Variants in FHIT observed in about 807,000 individuals in gnomAD.
The protein encoded by FHIT is fragile histidine triad diadenosine triphosphatase.
A neutral mutation model predicts 17.9 loss-of-function variants in FHIT; 19 were observed. That is an observed-to-expected ratio of 1.06 (90% confidence interval 0.74 to 1.56). FHIT has a LOEUF of 1.56. Ranked by LOEUF, FHIT falls within the 40% of genes most tolerant of loss-of-function variation. The pLI is 0.00. For synonymous variants in FHIT, 81 were observed against 69.7 expected (o/e 1.16, Z -0.81); for missense variants, 248 against 189.2 (o/e 1.31, Z -1.82).
intron 8 of FHIT, among the ~76,000 whole-genome samples, chr3:59,910,338 G>C (rs147441653): frequency 4.8e-4 from 73 of 152,328 alleles, no homozygotes; most frequent in African/African-American, 1.7e-3. Flanking sequence ...GAGGCAATCA[G>C]ATATGCATTT....
chr3:60,439,308 A>G (rs2030580059), intron 5 of FHIT, among the ~76,000 whole-genome samples: 1 of 152,166 alleles, frequency 6.6e-6, no homozygotes, highest in Non-Finnish European at 1.5e-5. Flanking sequence ...ACATTTAAAT[A>G]GCATTTTTAT....
In FHIT at chr3:59,840,188, C is replaced by A. The variant is rs551969749; in HGVS notation, c.348+82158G>T. Among the ~76,000 whole-genome samples the A allele has an allele frequency of 3.3e-5, 5 of 152,190 alleles. No individual in the cohort carries two copies. In the East Asian group the frequency reaches 9.7e-4, roughly 30 times the overall value. On this transcript the variant is annotated intron_variant, in intron 8 of 9. Coordinates refer to ENST00000492590, the MANE Select transcript of FHIT (RefSeq NM_002012.4). ...TCTCACTTGAACAGAAGTACTCCCC[C>A]ATTCTTGCAGATTCCCCATCATTCC...
intron 5 of FHIT, among the ~76,000 whole-genome samples, chr3:60,456,919 T>C (rs552390937): frequency 2.0e-5 from 3 of 151,928 alleles, no homozygotes; most frequent in Non-Finnish European, 2.9e-5. Flanking sequence ...CACTGCTCAA[T>C]GAAATAAAAG....
At chr3:60,298,859 G>A (rs1708326898) in intron 5 of FHIT, among the ~76,000 whole-genome samples, 1 of 152,126 alleles carries the variant, frequency 6.6e-6, no homozygotes. Context: ...CAAGTGGCAT[G>A]CAGCTGCAAC....
At position 60,204,312 on chromosome 3, in the gene FHIT, C is replaced by G. The variant is rs552894622; in HGVS notation, c.104-190160G>C. ...TGAGACAAGGTCTCAGTCTGTCACC[C>G]AGGCTGGAGTACAGTAGCGTGATNT... On this transcript the variant is annotated intron_variant, in intron 5 of 9. Coordinates refer to ENST00000492590, the MANE Select transcript of FHIT (RefSeq NM_002012.4). Among the ~76,000 whole-genome samples the G allele has an allele frequency of 5.6e-3, 845 of 152,222 alleles. 3 individuals carry two copies. The highest frequency in any genetic ancestry group is 9.3e-3 in the Non-Finnish European group (635 of 68,006).
intron 3 of FHIT, among the ~76,000 whole-genome samples, chr3:60,982,237 CTT>C (rs1710527296): frequency 1.3e-5 from 2 of 152,342 alleles, no homozygotes; most frequent in South Asian, 2.1e-4. Context: ...TGGCCCCAGC[CTT>C]GCTCTACAGG....
intron 8 of FHIT, among the ~76,000 whole-genome samples, chr3:59,826,571 C>A (rs1700985980): frequency 6.6e-6 from 1 of 152,204 alleles, no homozygotes; most frequent in African/African-American, 2.4e-5. Context: ...GGGGAAATGA[C>A]CCTTCAGTGC....
intron 5 of FHIT, among the ~76,000 whole-genome samples, chr3:60,437,664 G>A (rs775096867): frequency 4.6e-5 from 7 of 151,926 alleles, no homozygotes; most frequent in Non-Finnish European, 8.8e-5. Context: ...ATTTATCTGT[G>A]GTCACATGGC....
intron 5 of FHIT, among the ~76,000 whole-genome samples, chr3:60,450,270 G>A (rs1206928414): frequency 6.6e-6 from 1 of 151,814 alleles, no homozygotes; most frequent in Non-Finnish European, 1.5e-5. Flanking sequence ...CGTCAACACT[G>A]GGCAATAGGA....
intron 5 of FHIT, among the ~76,000 whole-genome samples, chr3:60,111,939 T>C (rs999992129): frequency 6.6e-6 from 1 of 152,334 alleles, no homozygotes; most frequent in Non-Finnish European, 1.5e-5. Flanking sequence ...TAGCCCTTTT[T>C]TGCCTCTATT....
At chr3:60,558,638 C>A (rs1190916323) in intron 4 of FHIT, among the ~76,000 whole-genome samples, 1 of 152,118 alleles carries the variant, frequency 6.6e-6, no homozygotes, top group Non-Finnish European at 1.5e-5. Flanking sequence ...GTAAAAGTTG[C>A]TTGGTAAGCT....
chr3:59,896,250 A>G (rs1177474195), intron 8 of FHIT, among the ~76,000 whole-genome samples: 1 of 152,232 alleles, frequency 6.6e-6, no homozygotes, highest in Non-Finnish European at 1.5e-5. Context: ...TAAGAAGTCA[A>G]TACACATCTG....
chr3:60,140,424 G>A (rs1319974492), intron 5 of FHIT, among the ~76,000 whole-genome samples: 1 of 152,088 alleles, frequency 6.6e-6, no homozygotes, highest in South Asian at 2.1e-4. Flanking sequence ...CAACTTGGCA[G>A]TGAGGGGGAA....
chr3:60,943,125 G>A lies in FHIT; in HGVS notation c.-111+98922C>T, dbSNP rs147313050. On this transcript the variant is annotated intron_variant, in intron 3 of 9. Coordinates refer to ENST00000492590, the MANE Select transcript of FHIT (RefSeq NM_002012.4). ...ATATGTCTATTTGTCCAAGCTAACC[G>A]GTTATGTGGTTTAAATATTCTTTAT... Among the ~76,000 whole-genome samples the A allele has an allele frequency of 7.4e-3, 1,127 of 152,138 alleles. 8 individuals carry two copies. The highest frequency in any genetic ancestry group is 0.011 in the Non-Finnish European group (739 of 67,942).
chr3:61,149,023 T>C lies in FHIT; in HGVS notation c.-164+51594A>G, dbSNP rs550511691. ...CATAGAAACACTCTCAATCTGTTAG[T>C]TTTAACAATTAAAACTTACGTTTAA... On this transcript the variant is annotated intron_variant, in intron 2 of 9. Transcript: ENST00000492590. 5.3e-5 allele frequency among the ~76,000 whole-genome samples: 8 copies of C among 152,362 alleles called. No homozygotes were observed. The South Asian group carries it at 1.7e-3, about 32-fold the overall frequency.
chr3:59,887,541 G>C (rs1376677812), intron 8 of FHIT, among the ~76,000 whole-genome samples: 1 of 152,180 alleles, frequency 6.6e-6, no homozygotes, highest in Non-Finnish European at 1.5e-5. Context: ...GGCACAAACA[G>C]GGTACTAATT....
At chr3:61,213,332 CA>C (rs1367887957) in intron 1 of FHIT, among the ~76,000 whole-genome samples, 9 of 150,380 alleles carry the variant, frequency 6.0e-5, no homozygotes, top group Non-Finnish European at 1.3e-4. Context: ...AAATGGAAAA[CA>C]AAAAAAGGCA....
At chr3:61,168,490 G>T (rs1057363527) in intron 2 of FHIT, among the ~76,000 whole-genome samples, 3 of 152,180 alleles carry the variant, frequency 2.0e-5, no homozygotes, top group Non-Finnish European at 2.9e-5. Context: ...TCACCTGAAG[G>T]TTTCATTTTT....
At chr3:60,922,919 A>G (rs1438488043) in intron 3 of FHIT, among the ~76,000 whole-genome samples, 1 of 152,274 alleles carries the variant, frequency 6.6e-6, no homozygotes, top group African/African-American at 2.4e-5. Flanking sequence ...AGCATGTGGT[A>G]TAACTAGTAT....
Sources: allele counts gnomAD v4.1 joint callset (sites outside exome capture counted in the v4.1 genomes callset), GRCh38; gene constraint gnomAD v4.1.1; transcripts MANE v1.5; gene names NCBI Gene and HGNC (gene_info 2026-07-23, HGNC 2026-07-21).